The following MYO1H variants were observed in gnomAD, a reference collection of about 807,000 sequenced individuals.
MYO1H encodes the protein myosin IH.
A neutral mutation model predicts 149.3 loss-of-function variants in MYO1H; 118 were observed. That is an observed-to-expected ratio of 0.79 (90% CI 0.68 to 0.92). MYO1H has a LOEUF of 0.92. MYO1H is among the 40% of genes least tolerant of loss of function. MYO1H has a pLI of 0.00. For synonymous variants in MYO1H, 447 were observed against 465.2 expected (o/e 0.96, Z 0.50); for missense variants, 1,212 against 1,280.7 (o/e 0.95, Z 0.82).
At chr12:109,415,948 TTTTA>T (rs977022667) in intron 15 of MYO1H, among the ~76,000 whole-genome samples, 14 of 150,014 alleles carry the variant, frequency 9.3e-5, no homozygotes, top group African/African-American at 3.4e-4. Flanking sequence ...TTTTATTTTA[TTTTA>T]TTTATTTTGA....
intron 5 of MYO1H, among the ~76,000 whole-genome samples, chr12:109,398,272 C>G (rs930761741): frequency 6.6e-5 from 10 of 152,172 alleles, no homozygotes; most frequent in African/African-American, 2.4e-4. Context: ...TGAACAGCAC[C>G]AACACATCTG....
chr12:109,406,175 G>A, intron 8 of MYO1H, 140 bp downstream of exon 8: 1 of 628,264 alleles, frequency 1.6e-6, no homozygotes, highest in Non-Finnish European at 2.8e-6. Flanking sequence ...TTTAAAGAGT[G>A]GGGGTTTGAA....
intron 31 of MYO1H, chr12:109,446,347 G>A: frequency 1.0e-6 from 1 of 985,376 alleles, no homozygotes; most frequent in Non-Finnish European, 1.2e-6. Context: ...AAAAGCAGAG[G>A]GAGCTGAATC....
intron 2 of MYO1H, among the ~76,000 whole-genome samples, chr12:109,389,359 A>G (rs1869535530): frequency 6.6e-6 from 1 of 152,166 alleles, no homozygotes; most frequent in Non-Finnish European, 1.5e-5. Context: ...TCCCATGGCT[A>G]GAAATGAAGA....
At chr12:109,379,184 G>A (rs1244879080) in intron 1 of MYO1H, among the ~76,000 whole-genome samples, 2 of 152,220 alleles carry the variant, frequency 1.3e-5, no homozygotes, top group Non-Finnish European at 2.9e-5. Context: ...GTACTGAACA[G>A]TGAAGCTATC....
chr12:109,331,369 G>T, the MYO1H span, among the ~76,000 whole-genome samples: 9 of 151,836 alleles, frequency 5.9e-5, no homozygotes, highest in African/African-American at 2.2e-4. Flanking sequence ...TAACAAGCTT[G>T]AATGCTTTCC....
At chr12:109,314,213 C>CTT in the MYO1H span, among the ~76,000 whole-genome samples, 11 of 132,124 alleles carry the variant, frequency 8.3e-5, no homozygotes, top group African/African-American at 2.8e-4. Context: ...TTTTCTTTGT[C>CTT]TTTTTTTTTT....
chr12:109,341,488 G>T, the MYO1H span, among the ~76,000 whole-genome samples: 1 of 152,192 alleles, frequency 6.6e-6, no homozygotes, highest in African/African-American at 2.4e-5. Context: ...TTCAGAGTTT[G>T]CTATAGCAAG....
At chr12:109,423,127 A>G (rs1394084580) in intron 16 of MYO1H, among the ~76,000 whole-genome samples, 5 of 152,058 alleles carry the variant, frequency 3.3e-5, no homozygotes, top group African/African-American at 4.8e-5. Context: ...TGTGGTAAAC[A>G]TACATAACAA....
chr12:109,324,658 C>G, the MYO1H span, among the ~76,000 whole-genome samples: 5 of 151,848 alleles, frequency 3.3e-5, no homozygotes, highest in Non-Finnish European at 5.9e-5. Flanking sequence ...GTTACCTTAT[C>G]TGAGAAAGAA....
intron 1 of MYO1H, among the ~76,000 whole-genome samples, chr12:109,379,801 C>G (rs1869165070): frequency 7.3e-6 from 1 of 136,862 alleles, no homozygotes; most frequent in Non-Finnish European, 1.5e-5. Flanking sequence ...GGAGCAATCT[C>G]AGCTCACTGC....
rs1299260277 is a variant in MYO1H at position 109,415,595 on chromosome 12, A to AG, written c.1574dup (p.Glu526ArgfsTer15). 2 of 1,604,444 alleles carry AG rather than the reference A, an allele frequency of 1.2e-6. No homozygotes were observed. Among genetic ancestry groups the AG allele is most frequent in the Admixed American group, 1.7e-5 (1 of 58,746 alleles). On this transcript the variant is annotated frameshift_variant, in exon 15 of 32. Coordinates refer to ENST00000310903, the Ensembl canonical transcript of MYO1H. LOFTEE classifies it high-confidence loss of function. ...TGGAGTTCCGACTCCTCCACTATGC[A>AG]GGAGAGGTCACATACTGCACCAAGG...
intron 3 of MYO1H, 105 bp downstream of exon 3, chr12:109,393,551 C>CCATCCATCCATCCATCCATT (rs1283304191): frequency 0.41 from 244,352 of 599,414 alleles, 51,167 homozygotes; most frequent in African/African-American, 0.59. Context: ...ATCCATCCAT[C>CCATCCATCCATCCATCCATT]CATCCATCCA....
chr12:109,420,655 T>C (rs554157845), intron 15 of MYO1H, among the ~76,000 whole-genome samples: 2 of 152,228 alleles, frequency 1.3e-5, no homozygotes, highest in Admixed American at 6.5e-5. Flanking sequence ...ACATTGGGGA[T>C]TGCAATTTGA....
Position 109,416,921 on chromosome 12 carries a change from C to T in MYO1H, c.1597+1301C>T, listed in dbSNP as rs556762901. Among the ~76,000 whole-genome samples the T allele has an allele frequency of 2.3e-3, 346 of 151,292 alleles. 2 individuals are homozygous for T. The highest frequency in any genetic ancestry group is 3.4e-3 in the Non-Finnish European group (233 of 67,776). On this transcript the variant is annotated intron_variant, in intron 15 of 31. Transcript: ENST00000310903. ...ACTAGGGAGGGTGAGGCAGGAGAAT[C>T]GCTTGAACCTGGGAGGCAGAGGTTG...
At chr12:109,441,684 C>A in exon 26 of MYO1H, 2 of 1,612,582 alleles carry the variant, frequency 1.2e-6, no homozygotes, top group South Asian at 2.2e-5. Flanking sequence ...AAGTTTAAAT[C>A]AACCCTTTGT....
At chr12:109,439,682 G>C (rs1420166750) in exon 24 of MYO1H, 4 of 1,613,832 alleles carry the variant, frequency 2.5e-6, no homozygotes, top group Non-Finnish European at 3.4e-6. Context: ...CTGACAACGA[G>C]GAATTTATCG....
At chr12:109,345,139 A>G, upstream of MYO1H, among the ~76,000 whole-genome samples, 1 of 152,214 alleles carries the variant, frequency 6.6e-6, no homozygotes, top group East Asian at 1.9e-4. Context: ...TGTGTTTCAA[A>G]GGATACTATC....
At chr12:109,394,565 T>C (rs1869809985) in intron 3 of MYO1H, among the ~76,000 whole-genome samples, 1 of 151,868 alleles carries the variant, frequency 6.6e-6, no homozygotes, top group South Asian at 2.1e-4. Context: ...CCAAATGTTC[T>C]AATAGTTATT....
Sources: allele counts gnomAD v4.1 joint callset (sites outside exome capture counted in the v4.1 genomes callset), GRCh38; gene constraint gnomAD v4.1.1; transcripts MANE v1.5; gene names NCBI Gene and HGNC (gene_info 2026-07-23, HGNC 2026-07-21).